LITAF: variants seen among roughly 807,000 people sequenced by gnomAD.
The protein encoded by LITAF is lipopolysaccharide induced TNF factor.
In LITAF, 9 loss-of-function variants were observed where a neutral mutation model predicts 14.5. The ratio of observed to expected loss-of-function variants is 0.62; its 90% CI spans 0.37 to 1.08. The LOEUF is 1.08. Among genes scored for constraint, LITAF ranks in the 50% least tolerant of loss-of-function variants. The pLI is 0.01. For synonymous variants in LITAF, 98 were observed against 88.2 expected (o/e 1.11, Z -0.62); for missense variants, 206 against 213.4 (o/e 0.97, Z 0.22).
intron 3 of LITAF, among the ~76,000 whole-genome samples, chr16:11,611,411 G>A (rs931504606): frequency 1.3e-5 from 2 of 152,130 alleles, no homozygotes; most frequent in African/African-American, 4.8e-5. Flanking sequence ...TTTTTAGCAA[G>A]TCCTAAATAC....
chr16:11,607,386 G>A (rs969132779), intron 3 of LITAF, among the ~76,000 whole-genome samples: 5 of 152,210 alleles, frequency 3.3e-5, no homozygotes, highest in Non-Finnish European at 7.3e-5. Flanking sequence ...CACCCAAGAA[G>A]GCTGGACTTC....
chr16:11,582,268 G>T (rs1002254401), intron 1 of LITAF, among the ~76,000 whole-genome samples: 1 of 149,606 alleles, frequency 6.7e-6, no homozygotes, highest in African/African-American at 2.5e-5. Flanking sequence ...CTTTTTAAAG[G>T]GTTTGAAAAC....
chr16:11,608,607 T>C (rs558885200), intron 3 of LITAF, among the ~76,000 whole-genome samples: 6 of 152,328 alleles, frequency 3.9e-5, no homozygotes, highest in Non-Finnish European at 7.3e-5. Flanking sequence ...AAAGCACTGA[T>C]ACGGGCTGCA....
intron 3 of LITAF, among the ~76,000 whole-genome samples, chr16:11,613,372 T>A (rs2064995097): frequency 6.6e-6 from 1 of 152,192 alleles, no homozygotes. Flanking sequence ...CTGGGTCACC[T>A]GGGGGAATAA....
chr16:11,570,778 A>G (rs2064529435), intron 1 of LITAF, among the ~76,000 whole-genome samples: 1 of 151,906 alleles, frequency 6.6e-6, no homozygotes. Context: ...AAGGTGTGAT[A>G]GCGCACATGT....
chr16:11,595,530 C>T (rs1184240920), intron 1 of LITAF, among the ~76,000 whole-genome samples: 1 of 152,146 alleles, frequency 6.6e-6, no homozygotes, highest in African/African-American at 2.4e-5. Flanking sequence ...GAGATCGAGA[C>T]CATCCTGGCT....
chr16:11,553,676 C>G lies in LITAF; in HGVS notation c.234G>C (p.Thr78=). 1 of 1,614,058 alleles carries G rather than the reference C, an allele frequency of 6.2e-7. No homozygotes were observed. Among genetic ancestry groups the G allele is most frequent in the Non-Finnish European group, 8.5e-7 (1 of 1,179,994 alleles). The change falls in exon 3 of 4, where the codon ACG becomes ACC. Residue 78 remains threonine (T), a synonymous_variant. Transcript: ENST00000622633. The surrounding 1 kb of genome is among the most constrained non-coding windows in gnomAD (Gnocchi z 7.7). ...AGGTGATGGGGTGCTGCACGTAGACCGTCTGCACGGTAACTGATGAAAGGG... is the reference window on the plus strand; with the variant it reads ...AGGTGATGGGGTGCTGCACGTAGACGGTCTGCACGGTAACTGATGAAAGGG... ...IPNNNPITVQ[T]VYVQHPITFL...
chr16:11,586,937 G>C (rs1342130440), upstream of LITAF: 1 of 150,516 alleles, frequency 6.6e-6, no homozygotes, highest in Non-Finnish European at 1.5e-5. This position sits in a 1 kb window ranked among gnomAD's most constrained non-coding sequence, Gnocchi z 6.5. Flanking sequence ...CCTCTCGGGC[G>C]CCCCGAGAAA....
chr16:11,621,385 T>G (rs564771334), intron 3 of LITAF, among the ~76,000 whole-genome samples: 3 of 152,046 alleles, frequency 2.0e-5, no homozygotes, highest in Admixed American at 2.0e-4. Context: ...TTATATGTTT[T>G]GCAGAGATGG....
upstream of LITAF, among the ~76,000 whole-genome samples, chr16:11,601,066 G>C (rs1469693916): frequency 3.3e-5 from 5 of 151,972 alleles, no homozygotes; most frequent in Admixed American, 3.3e-4. Flanking sequence ...TGAATAAAGA[G>C]AGGGTAGTAT....
At chr16:11,569,527 A>T (rs1264735464) in intron 1 of LITAF, among the ~76,000 whole-genome samples, 1 of 152,008 alleles carries the variant, frequency 6.6e-6, no homozygotes, top group Admixed American at 6.6e-5. Context: ...AATCAAGATA[A>T]CTTAACATGT....
chr16:11,561,334 T>C (rs1187268637), intron 1 of LITAF: 1 of 152,196 alleles, frequency 6.6e-6, no homozygotes, highest in African/African-American at 2.4e-5. Context: ...GGAAACTGCA[T>C]CTTTACAGAG....
chr16:11,563,702 TTAATGATCAGCCGA>T (rs2064408457), intron 1 of LITAF, among the ~76,000 whole-genome samples: 1 of 152,032 alleles, frequency 6.6e-6, no homozygotes, highest in African/African-American at 2.4e-5. Flanking sequence ...CAATAGAACG[TTAATGATCAGCCGA>T]GGATGGAAAG....
chr16:11,553,723 T>C lies in LITAF; in HGVS notation c.221-34A>G. ...AGGGAGAGGGACAAACACAGGTTGC[T>C]CAGGAAACAAGGCCAATAGCATTCA... On this transcript the variant is annotated intron_variant, in intron 2 of 3. Transcript: ENST00000622633. The surrounding 1 kb of genome is among the most constrained non-coding windows in gnomAD (Gnocchi z 7.7). The C allele has an allele frequency of 6.2e-7, 1 of 1,613,340 alleles. No homozygotes were observed. Among genetic ancestry groups the C allele is most frequent in the Non-Finnish European group, 8.5e-7 (1 of 1,179,642 alleles).
upstream of LITAF, among the ~76,000 whole-genome samples, chr16:11,598,940 C>A (rs1020961006): frequency 2.0e-5 from 3 of 151,870 alleles, no homozygotes; most frequent in Non-Finnish European, 4.4e-5. Context: ...CTGCCTCAGC[C>A]TCTCAAGTAG....
intron 3 of LITAF, among the ~76,000 whole-genome samples, chr16:11,604,828 A>G (rs989926834): frequency 6.6e-6 from 1 of 151,778 alleles, no homozygotes; most frequent in African/African-American, 2.4e-5. Context: ...ACTGACGAGA[A>G]AAGTATAGAC....
chr16:11,623,313 G>C (rs1189164984), intron 3 of LITAF, among the ~76,000 whole-genome samples: 3 of 152,004 alleles, frequency 2.0e-5, no homozygotes, highest in Admixed American at 2.0e-4. Context: ...TAGTTGGAAA[G>C]TCTGTGGTAA....
intron 1 of LITAF, among the ~76,000 whole-genome samples, chr16:11,566,784 C>T (rs962247043): frequency 1.3e-5 from 2 of 150,406 alleles, no homozygotes; most frequent in African/African-American, 4.9e-5. Flanking sequence ...GAGGAAGACT[C>T]TACCTTGGGT....
intron 1 of LITAF, among the ~76,000 whole-genome samples, chr16:11,568,288 G>GAA (rs35115784): frequency 8.6e-6 from 1 of 115,788 alleles, no homozygotes. Flanking sequence ...ACCCTGTCTC[G>GAA]AAAAAAAAAA....
Sources: gnomAD v4.1 joint callset for allele counts (sites outside exome capture counted in the v4.1 genomes callset) on GRCh38, gnomAD v4.1.1 for gene constraint, Gnocchi (gnomAD v3.1) non-coding constraint, MANE v1.5 for transcripts, NCBI Gene and HGNC (gene_info 2026-07-23, HGNC 2026-07-21) for gene names.